The following IGHMBP2 variants were observed in gnomAD, a reference collection of about 807,000 sequenced individuals.
IGHMBP2 encodes immunoglobulin mu DNA binding protein 2.
A neutral mutation model predicts 96.0 loss-of-function variants in IGHMBP2; 81 were observed. The observed-to-expected ratio is 0.84, with a 90% CI of 0.71 to 1.01. The LOEUF (loss-of-function observed/expected upper bound fraction) is 1.01, where lower values mean the gene tolerates loss of function less well. Ranked by LOEUF, IGHMBP2 falls within the 50% of genes least tolerant of loss-of-function variation. IGHMBP2 has a pLI of 0.00. For synonymous variants in IGHMBP2, 557 were observed against 548.9 expected (o/e 1.01, Z -0.21); for missense variants, 1,227 against 1,306.3 (o/e 0.94, Z 0.94).
At chr11:68,931,305 G>C (rs1221406135) in intron 8 of IGHMBP2, among the ~76,000 whole-genome samples, 1 of 152,142 alleles carries the variant, frequency 6.6e-6, no homozygotes, top group Non-Finnish European at 1.5e-5. Flanking sequence ...TGGGAGGGCA[G>C]CTACAGCTGC....
chr11:68,929,152 C>G (rs776338637), intron 7 of IGHMBP2, 31 bp from the exon 8 acceptor site: 13 of 1,606,590 alleles, frequency 8.1e-6, no homozygotes, highest in South Asian at 1.1e-5. Context: ...AGCTGTGCCC[C>G]TGGAGACTCC....
intron 7 of IGHMBP2, among the ~76,000 whole-genome samples, chr11:68,920,055 A>G (rs191038922): frequency 3.9e-5 from 6 of 152,282 alleles, no homozygotes; most frequent in Admixed American, 6.5e-5. Flanking sequence ...TTGAACAGCA[A>G]TTCCCTTTTT....
At chr11:68,905,043 G>A (rs2003410) in intron 1 of IGHMBP2, among the ~76,000 whole-genome samples, 34,119 of 152,046 alleles carry the variant, frequency 0.22, 4,942 homozygotes, top group Admixed American at 0.4. Context: ...TGGTCTGCCC[G>A]CCTTGGCCTC....
At position 68,904,016 on chromosome 11, in the gene IGHMBP2, G is replaced by T. The variant is rs771853806; in HGVS notation, c.64G>T (p.Asp22Tyr). The change falls in exon 1 of 15, where the codon GAC becomes TAC. Residue 22 changes from aspartate (D) to tyrosine (Y), a missense_variant. By Grantham distance (160) the Asp-to-Tyr change is radical. This residue lies in a region of IGHMBP2 where 507 missense variants were observed against 496.9 expected (regional missense o/e 1.02). Coordinates refer to ENST00000255078, the MANE Select transcript of IGHMBP2 (RefSeq NM_002180.3). ...KQLDLLELER[D>Y]AEVEERRSWQ... ...ACTGGACCTGCTGGAGCTTGAGAGA[G>T]ACGCGGAGGTGGAGGAGCGCAGGTA... The T allele has an allele frequency of 6.5e-7, 1 of 1,550,030 alleles. No homozygotes were observed. The highest frequency in any genetic ancestry group is 8.7e-7 in the Non-Finnish European group (1 of 1,146,614).
intron 6 of IGHMBP2, among the ~76,000 whole-genome samples, 155 bp from the exon 7 acceptor site, chr11:68,917,581 C>T (rs1360952360): frequency 2.0e-5 from 3 of 151,998 alleles, no homozygotes; most frequent in African/African-American, 4.8e-5. Flanking sequence ...TGCTTAGTTG[C>T]GTGTGTGTAT....
In IGHMBP2 at chr11:68,933,881, A is replaced by G. The variant is rs1324955542; in HGVS notation, c.1505A>G (p.Glu502Gly). The G allele has an allele frequency of 3.1e-6, 5 of 1,601,592 alleles. No individual in the cohort carries two copies. Among genetic ancestry groups the G allele is most frequent in the East Asian group, 2.2e-5 (1 of 44,512 alleles). Residue 502 changes from glutamate (E) to glycine (G), a missense_variant, in exon 10 of 15, where the codon GAG (glutamate) becomes GGG (glycine). Physicochemically the swap from Glu to Gly is moderately conservative, Grantham distance 98. Transcript: ENST00000255078. The part of the protein sequence containing the change: ...DTAGCGLFEL[E>G]EEDEQSKGNP... ...GCCGGCTGCGGGCTGTTTGAGCTGG[A>G]GGAGGAGGACGAACAGTCGAAAGGG...
intron 1 of IGHMBP2, among the ~76,000 whole-genome samples, chr11:68,905,049 G>A (rs1401150095): frequency 1.3e-5 from 2 of 152,140 alleles, no homozygotes; most frequent in Non-Finnish European, 2.9e-5. Context: ...GCCCGCCTTG[G>A]CCTCCCAAAG....
intron 6 of IGHMBP2, among the ~76,000 whole-genome samples, chr11:68,916,115 A>C (rs1018564695): frequency 5.9e-5 from 9 of 151,934 alleles, no homozygotes; most frequent in African/African-American, 2.2e-4. Flanking sequence ...TGGAGGTTGC[A>C]GTGAGCCATG....
At chr11:68,930,230 C>T in intron 8 of IGHMBP2, 1 of 1,257,292 alleles carries the variant, frequency 8.0e-7, no homozygotes, top group Middle Eastern at 2.4e-4. Context: ...GAGACTCCTG[C>T]ATCCTGGCCC....
chr11:68,927,174 T>C (rs1245886790), intron 7 of IGHMBP2, among the ~76,000 whole-genome samples: 32 of 152,268 alleles, frequency 2.1e-4, no homozygotes, highest in Non-Finnish European at 2.9e-5. Context: ...TAATAGAATG[T>C]AGCAACTCTG....
chr11:68,929,301 A>C lies in IGHMBP2; in HGVS notation c.1179A>C (p.Arg393Ser). ...GCTGGATCCCCCTGCTGAAGGCCAG[A>C]AAGTGCATCCTGGCGGGCGATCACA... ...ASCWIPLLKA[R>S]KCILAGDHKQ... The change falls in exon 8 of 15, where the codon AGA becomes AGC. Residue 393 changes from arginine (R) to serine (S), a missense_variant. By Grantham distance (110) the Arg-to-Ser change is moderately radical. Transcript: ENST00000255078. 2 of 1,613,848 alleles carry C rather than the reference A, an allele frequency of 1.2e-6. No individual in the cohort carries two copies. The highest frequency in any genetic ancestry group is 1.7e-6 in the Non-Finnish European group (2 of 1,180,014).
intron 6 of IGHMBP2, among the ~76,000 whole-genome samples, chr11:68,916,681 G>T (rs1011294144): frequency 6.6e-6 from 1 of 152,166 alleles, no homozygotes; most frequent in African/African-American, 2.4e-5. Context: ...GCCAGTCTTT[G>T]CTATGGGCCC....
chr11:68,916,579 G>A (rs1427437938), intron 6 of IGHMBP2, among the ~76,000 whole-genome samples: 1 of 152,148 alleles, frequency 6.6e-6, no homozygotes, highest in Non-Finnish European at 1.5e-5. Context: ...TAATGTCTGT[G>A]CTCACATCTT....
In IGHMBP2 at chr11:68,917,788, A is replaced by C. The variant is rs1858726463; in HGVS notation, c.965A>C (p.Glu322Ala). 2 of 1,613,592 alleles carry C rather than the reference A, an allele frequency of 1.2e-6. No individual in the cohort carries two copies. Among genetic ancestry groups the C allele is most frequent in the Non-Finnish European group, 1.7e-6 (2 of 1,179,508 alleles). Reference sequence around the variant, plus strand: ...AGAGAGAAAAGTAATTTTCGAAATGAAATTAAGCTGTTAAGAAAAGAACTG... The same window carrying C: ...AGAGAGAAAAGTAATTTTCGAAATGCAATTAAGCTGTTAAGAAAAGAACTG... ...DKREKSNFRNEIKLLRKELKE... is the reference protein window; with the variant it reads ...DKREKSNFRNAIKLLRKELKE... The change falls in exon 7 of 15, where the codon GAA becomes GCA. Residue 322 changes from glutamate (E) to alanine (A), a missense_variant. Physicochemically the swap from Glu to Ala is moderately radical, Grantham distance 107 (BLOSUM62 -1). Transcript: ENST00000255078.
chr11:68,913,095 A>G (rs1858509378), intron 5 of IGHMBP2, among the ~76,000 whole-genome samples: 4 of 151,840 alleles, frequency 2.6e-5, no homozygotes, highest in African/African-American at 9.7e-5. Flanking sequence ...GAAACTGAGA[A>G]ACAAGGTCAA....
In IGHMBP2 at chr11:68,911,437, C is replaced by CA; in HGVS notation, c.548-2dup. ...GAGCCTCACGCTGCTGCTTCTTCCA[C>CA]AGACCCGCTGACATTCTTCAACACC... On this transcript the variant is annotated splice_polypyrimidine_tract_variant and splice_region_variant and intron_variant, in intron 4 of 14. Transcript: ENST00000255078. 4 of 1,613,592 alleles carry CA rather than the reference C, an allele frequency of 2.5e-6. No individual in the cohort carries two copies. Among genetic ancestry groups the CA allele is most frequent in the Non-Finnish European group, 2.5e-6 (3 of 1,179,892 alleles).
intron 4 of IGHMBP2, among the ~76,000 whole-genome samples, chr11:68,910,895 A>G (rs1858403257): frequency 6.6e-6 from 1 of 152,144 alleles, no homozygotes; most frequent in Non-Finnish European, 1.5e-5. Context: ...AAAAAAAAAA[A>G]AAAAGAAGCA....
At position 68,939,570 on chromosome 11, in the gene IGHMBP2, C is replaced by A. The variant is rs557641477; in HGVS notation, c.2821C>A (p.Arg941=). The A allele has an allele frequency of 1.2e-6, 2 of 1,612,790 alleles. No homozygotes were observed. The highest frequency in any genetic ancestry group is 1.7e-6 in the Non-Finnish European group (2 of 1,180,020). The change falls in exon 15 of 15, where the codon CGG becomes AGG. Residue 941 remains arginine (R), a synonymous_variant. Coordinates refer to ENST00000255078, the MANE Select transcript of IGHMBP2 (RefSeq NM_002180.3). ...CGGTGAGAGGGCTCGCGCCCATGCCCGGCAGAGAATCAGCCGGGAAGGGGT... is the reference window on the plus strand; with the variant it reads ...CGGTGAGAGGGCTCGCGCCCATGCCAGGCAGAGAATCAGCCGGGAAGGGGT... The part of the protein sequence containing the change: ...GCGERARAHA[R]QRISREGVLY...
intron 7 of IGHMBP2, 51 bp downstream of exon 7, chr11:68,917,934 G>A (rs779354628): frequency 1.3e-6 from 2 of 1,575,944 alleles, no homozygotes; most frequent in Non-Finnish European, 1.7e-6. Context: ...AGGAGTTGGG[G>A]TGTGTTCCCT....
Sources: gnomAD v4.1 joint callset for allele counts (sites outside exome capture counted in the v4.1 genomes callset) on GRCh38, gnomAD v4.1.1 for gene constraint, gnomAD v4.1.1 regional missense constraint, MANE v1.5 for transcripts, NCBI Gene and HGNC (gene_info 2026-07-23, HGNC 2026-07-21) for gene names.